The following DGKB variants were observed in gnomAD, a reference collection of about 807,000 sequenced individuals.
DGKB encodes 90 kDa diacylglycerol kinase.
A neutral mutation model predicts 114.3 loss-of-function variants in DGKB; 67 were observed. The observed-to-expected ratio is 0.59, with a 90% CI of 0.48 to 0.72. The LOEUF (loss-of-function observed/expected upper bound fraction) is 0.72, where lower values mean the gene tolerates loss of function less well. Among genes scored for constraint, DGKB ranks in the 30% least tolerant of loss-of-function variants. DGKB has a pLI of 0.00. For synonymous variants in DGKB, 398 were observed against 323.1 expected (o/e 1.23, Z -2.49); for missense variants, 907 against 975.2 (o/e 0.93, Z 0.93).
In DGKB at chr7:14,944,922, G is replaced by A. The variant is rs530011263; in HGVS notation, c.-188+29774C>T. ...CTTAGAATCAGAATAATTTTGTCTG[G>A]CGATAATCATACCATAATCATATGA... On this transcript the variant is annotated intron_variant, in intron 1 of 4. Coordinates refer to the DGKB transcript ENST00000437998. 2.6e-5 allele frequency among the ~76,000 whole-genome samples: 4 copies of A among 151,504 alleles called. No individual in the cohort carries two copies. In the South Asian group the frequency reaches 8.3e-4, roughly 32 times the overall value.
intron 21 of DGKB, among the ~76,000 whole-genome samples, chr7:14,463,693 A>T (rs766751937): frequency 1.4e-4 from 22 of 152,196 alleles, no homozygotes; most frequent in Non-Finnish European, 5.9e-5. Flanking sequence ...ATCTAGACAG[A>T]ATGTTTAGTA....
chr7:14,825,020 A>ACG (rs1845483024), intron 2 of DGKB, among the ~76,000 whole-genome samples: 2 of 84,852 alleles, frequency 2.4e-5, no homozygotes, highest in Non-Finnish European at 4.4e-5. Flanking sequence ...GTGTATGTAT[A>ACG]TATATATATA....
At chr7:14,697,781 A>AGAAAGAAAGAAAGAAAGG (rs1824276039) in intron 8 of DGKB, among the ~76,000 whole-genome samples, 2 of 146,830 alleles carry the variant, frequency 1.4e-5, no homozygotes, top group African/African-American at 5.3e-5. Flanking sequence ...ACAAAGAGAA[A>AGAAAGAAAGAAAGAAAGG]GAAAGAAAGG....
chr7:14,147,464 C>T lies in DGKB; in HGVS notation c.*1667G>A, dbSNP rs910042664. ...GCTTGAGAGCAGCTATTTGATATAA[C>T]AGCATTCAGTTGAGTTTTCAAACCA... is the stretch of plus-strand genomic sequence containing the variant. On this transcript the variant is annotated 3_prime_UTR_variant, in exon 26 of 26. Coordinates refer to ENST00000402815, the MANE Select transcript of DGKB (RefSeq NM_001350709.2). 1.2e-4 allele frequency: 18 copies of T among 152,244 alleles called. 1 individual carries two copies. In the South Asian group the frequency reaches 3.3e-3, roughly 28 times the overall value. The allele number at this position is 152,244 out of a possible 1,614,324, so 9.4% of individuals were successfully genotyped here.
At chr7:14,345,252 G>C (rs376205767) in intron 22 of DGKB, 49 bp downstream of exon 22, 8 of 1,096,126 alleles carry the variant, frequency 7.3e-6, no homozygotes, top group Admixed American at 2.2e-5. Flanking sequence ...TAACAACAAA[G>C]CTCAAGCCAT....
intron 20 of DGKB, among the ~76,000 whole-genome samples, chr7:14,515,141 T>A (rs1239675860): frequency 6.6e-6 from 1 of 152,150 alleles, no homozygotes; most frequent in Non-Finnish European, 1.5e-5. Flanking sequence ...CTAACAATTG[T>A]TAGGTTTAGA....
rs1170253303 is a variant in DGKB at position 14,682,829 on chromosome 7, G to A, written c.842C>T (p.Thr281Ile). ...QGLCCSFCKY[T>I]VHERCVARAP... ...TCGAGCCACACAGCGCTCATGGACT[G>A]TGTACTTGCAGACTGAAAGGAAACA... Residue 281 changes from threonine (T) to isoleucine (I), a missense_variant, in exon 11 of 26, where the codon ACA becomes ATA. By Grantham distance (89) the Thr-to-Ile change is moderately conservative. Transcript: ENST00000402815. 4 of 1,591,602 alleles carry A rather than the reference G, an allele frequency of 2.5e-6. No individual in the cohort carries two copies. The highest frequency in any genetic ancestry group is 2.6e-6 in the Non-Finnish European group (3 of 1,168,140).
intron 23 of DGKB, among the ~76,000 whole-genome samples, chr7:14,217,473 T>C (rs898322910): frequency 1.3e-5 from 2 of 152,116 alleles, no homozygotes; most frequent in Non-Finnish European, 2.9e-5. Context: ...CAAATCATTC[T>C]TGGTTGTTTA....
intron 16 of DGKB, among the ~76,000 whole-genome samples, chr7:14,612,210 G>A (rs188209631): frequency 3.0e-3 from 298 of 99,130 alleles, no homozygotes; most frequent in Middle Eastern, 0.011. Context: ...AGTCTCACAC[G>A]GTCACCTGGG....
At chr7:14,151,394 C>A (rs958973383) in intron 25 of DGKB, among the ~76,000 whole-genome samples, 1 of 151,064 alleles carries the variant, frequency 6.6e-6, no homozygotes, top group African/African-American at 2.4e-5. Flanking sequence ...TAAGACTTAG[C>A]TTCTTCTCTG....
intron 21 of DGKB, among the ~76,000 whole-genome samples, chr7:14,407,577 T>G (rs539635163): frequency 6.6e-6 from 1 of 152,228 alleles, no homozygotes; most frequent in Admixed American, 6.5e-5. Flanking sequence ...ACAAGCAAAT[T>G]AAAACCTCAA....
chr7:14,651,196 AAAG>A (rs1340798858), intron 13 of DGKB, among the ~76,000 whole-genome samples: 6 of 152,210 alleles, frequency 3.9e-5, no homozygotes, highest in Admixed American at 6.5e-5. Context: ...CACAACAAAA[AAAG>A]AGAATTTTAG....
At chr7:14,391,798 C>T (rs565375401) in intron 21 of DGKB, among the ~76,000 whole-genome samples, 15 of 152,246 alleles carry the variant, frequency 9.9e-5, no homozygotes, top group African/African-American at 3.6e-4. Context: ...TGTTCACATG[C>T]TTAAAGTTAA....
intron 22 of DGKB, among the ~76,000 whole-genome samples, chr7:14,344,677 A>G (rs1355252659): frequency 6.7e-6 from 1 of 150,144 alleles, no homozygotes; most frequent in East Asian, 1.9e-4. Context: ...TTCTTTTATA[A>G]TATTTCTCCA....
chr7:14,958,158 C>T (rs1786621447), intron 1 of DGKB, among the ~76,000 whole-genome samples: 1 of 151,856 alleles, frequency 6.6e-6, no homozygotes, highest in African/African-American at 2.4e-5. Flanking sequence ...CCAGTCAATC[C>T]TAGTGTCCAT....
intron 2 of DGKB, among the ~76,000 whole-genome samples, chr7:14,837,632 G>A (rs1351196866): frequency 6.6e-6 from 1 of 152,000 alleles, no homozygotes; most frequent in East Asian, 1.9e-4. Flanking sequence ...TGAATGCATT[G>A]TATCATTTTT....
rs6973010 is a variant in DGKB, at chr7:14,557,954, G to T, written c.1770+16258C>A. 4.4e-3 allele frequency among the ~76,000 whole-genome samples: 671 copies of T among 151,242 alleles called. 5 individuals carry two copies. Among genetic ancestry groups the T allele is most frequent in the African/African-American group, 0.016 (642 of 41,368 alleles). ...TATCATTCTTAATGTTTACTATTTTGTTCTTTTACTTGTTTGCTGTAATCA... is the reference window on the plus strand; with the variant it reads ...TATCATTCTTAATGTTTACTATTTTTTTCTTTTACTTGTTTGCTGTAATCA... On this transcript the variant is annotated intron_variant, in intron 20 of 25. Coordinates refer to ENST00000402815, the MANE Select transcript of DGKB (RefSeq NM_001350709.2).
intron 23 of DGKB, among the ~76,000 whole-genome samples, chr7:14,270,245 A>T (rs1183370351): frequency 1.3e-5 from 2 of 152,100 alleles, no homozygotes; most frequent in African/African-American, 4.8e-5. Flanking sequence ...AGGCATCTCC[A>T]TTTTTAGTGC....
chr7:14,305,667 G>A (rs773812126), intron 23 of DGKB, among the ~76,000 whole-genome samples: 16 of 152,078 alleles, frequency 1.1e-4, no homozygotes, highest in Non-Finnish European at 1.6e-4. Context: ...CAGGGTTGAC[G>A]GTCTTCCTGG....
Sources: gnomAD v4.1 joint callset for allele counts (sites outside exome capture counted in the v4.1 genomes callset) on GRCh38, gnomAD v4.1.1 for gene constraint, MANE v1.5 for transcripts, NCBI Gene and HGNC (gene_info 2026-07-23, HGNC 2026-07-21) for gene names.